Variants in BBX observed in about 807,000 individuals in gnomAD.
BBX encodes the protein BBX high mobility group box domain containing.
A neutral mutation model predicts 100.2 loss-of-function variants in BBX; 30 were observed. The observed-to-expected ratio is 0.30, with a 90% CI of 0.22 to 0.41. The LOEUF (loss-of-function observed/expected upper bound fraction) is 0.41, where lower values mean the gene tolerates loss of function less well. Among genes scored for constraint, BBX ranks in the 10% least tolerant of loss-of-function variants. BBX has a pLI of 1.00. For missense variants in BBX, 1,023 were observed against 1,129.8 expected, an observed-to-expected ratio of 0.91 and a Z score of 1.35; for synonymous variants, 376 against 388.1, an observed-to-expected ratio of 0.97 and a Z score of 0.37.
intron 2 of BBX, among the ~76,000 whole-genome samples, chr3:107,568,357 C>T (rs1002178804): frequency 4.0e-5 from 6 of 151,636 alleles, no homozygotes; most frequent in African/African-American, 9.7e-5. Flanking sequence ...CTCCACCTCC[C>T]AGATTCACGC....
intron 3 of BBX, among the ~76,000 whole-genome samples, chr3:107,656,259 C>G (rs2058135835): frequency 6.6e-6 from 1 of 152,130 alleles, no homozygotes; most frequent in African/African-American, 2.4e-5. Context: ...AGCATAAAAG[C>G]CAGTACAGCT....
chr3:107,530,288 A>G (rs2048066801), intron 2 of BBX, among the ~76,000 whole-genome samples: 1 of 152,108 alleles, frequency 6.6e-6, no homozygotes, highest in Non-Finnish European at 1.5e-5. Flanking sequence ...GCTACTTGGG[A>G]GGCTGAGGCA....
intron 2 of BBX, among the ~76,000 whole-genome samples, chr3:107,611,836 T>C (rs1020006373): frequency 6.6e-6 from 1 of 152,160 alleles, no homozygotes; most frequent in Non-Finnish European, 1.5e-5. Context: ...CCTCTCTTTC[T>C]ACCTCCTCTT....
chr3:107,675,314 G>A (rs1218321813), intron 3 of BBX, among the ~76,000 whole-genome samples: 1 of 152,060 alleles, frequency 6.6e-6, no homozygotes, highest in Non-Finnish European at 1.5e-5. Flanking sequence ...TCTGTTTTTT[G>A]GCCATCATGT....
chr3:107,563,578 G>C (rs961641799), intron 2 of BBX, among the ~76,000 whole-genome samples: 2 of 152,020 alleles, frequency 1.3e-5, no homozygotes. Flanking sequence ...TACTTCACAA[G>C]TAATACATGA....
At chr3:107,670,174 T>C (rs1052639377) in intron 3 of BBX, among the ~76,000 whole-genome samples, 4 of 152,236 alleles carry the variant, frequency 2.6e-5, no homozygotes, top group Non-Finnish European at 5.9e-5. Context: ...GTTAACAAAA[T>C]AGATCACTAA....
At chr3:107,743,918 GTTTTTTT>G (rs34762783) in intron 7 of BBX, among the ~76,000 whole-genome samples, 78 of 56,632 alleles carry the variant, frequency 1.4e-3, no homozygotes, top group South Asian at 4.0e-3. Context: ...TGTTTTAGTG[GTTTTTTT>G]TTTTTTTTTT....
chr3:107,599,091 G>C (rs557235190), intron 2 of BBX, among the ~76,000 whole-genome samples: 155 of 152,250 alleles, frequency 1.0e-3, no homozygotes, highest in African/African-American at 3.6e-3. Flanking sequence ...GGGCTCTGGC[G>C]GGGCTGTAAG....
At chr3:107,628,941 C>T (rs970715828) in intron 2 of BBX, among the ~76,000 whole-genome samples, 3 of 152,142 alleles carry the variant, frequency 2.0e-5, no homozygotes, top group African/African-American at 4.8e-5. Flanking sequence ...TCACAAACAG[C>T]ATTTTTTATT....
intron 2 of BBX, among the ~76,000 whole-genome samples, chr3:107,553,560 G>C (rs1332761501): frequency 6.6e-6 from 1 of 152,192 alleles, no homozygotes; most frequent in South Asian, 2.1e-4. Flanking sequence ...TGTGGGAGGA[G>C]GGACCTGGGG....
At chr3:107,748,234 C>A (rs999418944) in intron 9 of BBX, among the ~76,000 whole-genome samples, 195 bp downstream of exon 9, 1 of 152,200 alleles carries the variant, frequency 6.6e-6, no homozygotes, top group Non-Finnish European at 1.5e-5. Context: ...CCCGATTTTA[C>A]ACCCATTTTA....
chr3:107,527,121 T>C (rs1412813627), intron 2 of BBX, among the ~76,000 whole-genome samples: 3 of 152,182 alleles, frequency 2.0e-5, no homozygotes, highest in Admixed American at 1.3e-4. Flanking sequence ...GTGGAAAATT[T>C]GTGAGAGGTA....
chr3:107,780,235 A>G (rs1041441334), intron 13 of BBX, among the ~76,000 whole-genome samples: 1 of 152,100 alleles, frequency 6.6e-6, no homozygotes, highest in African/African-American at 2.4e-5. Context: ...TAAATACCTG[A>G]CAAGCCAATA....
At chr3:107,583,938 TTA>T (rs897152584) in intron 2 of BBX, among the ~76,000 whole-genome samples, 2 of 100,318 alleles carry the variant, frequency 2.0e-5, no homozygotes, top group East Asian at 2.4e-4. Context: ...AATATATATA[TTA>T]TATATATTAT....
intron 10 of BBX, 66 bp downstream of exon 10, chr3:107,755,744 T>C: frequency 1.5e-6 from 2 of 1,361,728 alleles, no homozygotes; most frequent in South Asian, 1.2e-5. Flanking sequence ...ATTCTAACAG[T>C]GTTTCCCTAA....
intron 10 of BBX, among the ~76,000 whole-genome samples, chr3:107,772,348 CCTT>C (rs1272509187): frequency 2.6e-5 from 4 of 152,170 alleles, no homozygotes; most frequent in African/African-American, 7.2e-5. Flanking sequence ...ATCCCTTCCT[CCTT>C]CTTCCAGGTC....
intron 9 of BBX, among the ~76,000 whole-genome samples, chr3:107,752,987 G>C (rs779369036): frequency 1.3e-5 from 2 of 152,190 alleles, no homozygotes; most frequent in Non-Finnish European, 2.9e-5. Flanking sequence ...TATTATATCA[G>C]CTATGCTTGA....
chr3:107,636,609 G>A (rs565622283), intron 2 of BBX, among the ~76,000 whole-genome samples: 2 of 152,258 alleles, frequency 1.3e-5, no homozygotes, highest in African/African-American at 4.8e-5. Context: ...CATTTGCCTT[G>A]TAGTACTTAT....
chr3:107,598,952 GCCTGGGGCCCTCTGGCCCCAGGCAGTGAC>G (rs2053859341), intron 2 of BBX, among the ~76,000 whole-genome samples: 1 of 152,226 alleles, frequency 6.6e-6, no homozygotes, highest in South Asian at 2.1e-4. Flanking sequence ...AGCTAGGCAA[GCCTGGGGCCCTCTGGCCCCAGGCAGTGAC>G]CCTGGGGGAG....
Sources: allele counts gnomAD v4.1 joint callset (sites outside exome capture counted in the v4.1 genomes callset), GRCh38; gene constraint gnomAD v4.1.1; transcripts MANE v1.5; gene names NCBI Gene and HGNC (gene_info 2026-07-23, HGNC 2026-07-21).